The following GLTP variants were observed in gnomAD, a reference collection of about 807,000 sequenced individuals.
GLTP encodes the protein glycolipid transfer protein.
A neutral mutation model predicts 24.0 loss-of-function variants in GLTP; 22 were observed. The ratio of observed to expected loss-of-function variants is 0.92; its 90% CI spans 0.65 to 1.31. The LOEUF (loss-of-function observed/expected upper bound fraction) is 1.31, where lower values mean the gene tolerates loss of function less well. GLTP is among the 50% of genes most tolerant of loss of function. The pLI is 0.00. For synonymous variants in GLTP, 92 were observed against 115.9 expected (o/e 0.79, Z 1.33); for missense variants, 224 against 276.6 (o/e 0.81, Z 1.35).
At chr12:109,869,969 T>C (rs1177050674) in intron 1 of GLTP, among the ~76,000 whole-genome samples, 1 of 150,954 alleles carries the variant, frequency 6.6e-6, no homozygotes, top group Admixed American at 6.6e-5. Context: ...ATCTCGAACT[T>C]CTGACCTCAA....
intron 1 of GLTP, chr12:109,860,214 G>T (rs1485765433): frequency 6.0e-6 from 1 of 165,462 alleles, no homozygotes; most frequent in Non-Finnish European, 1.3e-5. Flanking sequence ...CCAACCTCAG[G>T]TGATCCGCCC....
At position 109,880,233 on chromosome 12, in the gene GLTP, TGG is replaced by T; in HGVS notation, c.103+37_103+38del. 1 of 1,221,552 alleles carries T rather than the reference TGG, an allele frequency of 8.2e-7. No homozygotes were observed. Among genetic ancestry groups the T allele is most frequent in the Non-Finnish European group, 1.2e-6 (1 of 843,286 alleles). The allele number at this position is 1,221,552 out of a possible 1,614,324, so 75.7% of individuals were successfully genotyped here. On this transcript the variant is annotated intron_variant, in intron 1 of 4. Transcript: ENST00000318348. This position sits in a 1 kb window ranked among gnomAD's most constrained non-coding sequence, Gnocchi z 5.1. ...GGGGGAAGGAGGATTCGGGTGCGCG[TGG>T]GGCTGCGGGCCGCCTCCCCCCTCCA...
intron 1 of GLTP, 134 bp from the exon 2 acceptor site, chr12:109,858,875 C>T (rs906735880): frequency 5.9e-6 from 4 of 680,702 alleles, no homozygotes; most frequent in Non-Finnish European, 1.1e-5. Flanking sequence ...CTGGATGTTA[C>T]TAAGGCAGCA....
chr12:109,860,879 A>C (rs1868355321), intron 1 of GLTP, among the ~76,000 whole-genome samples: 1 of 152,164 alleles, frequency 6.6e-6, no homozygotes, highest in Non-Finnish European at 1.5e-5. Context: ...TACATGCAGG[A>C]AGTATGCAGG....
intron 1 of GLTP, among the ~76,000 whole-genome samples, chr12:109,868,168 CTAATTTTTTGTTTT>C (rs1180683096): frequency 6.6e-6 from 1 of 152,214 alleles, no homozygotes; most frequent in South Asian, 2.1e-4. Context: ...CTACGACCAG[CTAATTTTTTGTTTT>C]TAATTTTTTG....
intron 1 of GLTP, among the ~76,000 whole-genome samples, chr12:109,865,505 G>A (rs906565452): frequency 2.6e-5 from 4 of 151,888 alleles, no homozygotes; most frequent in African/African-American, 9.7e-5. Flanking sequence ...GTGCACATCT[G>A]TAATCCCAGC....
At position 109,880,086 on chromosome 12, in the gene GLTP, A is replaced by C. The variant is rs78087808; in HGVS notation, c.103+186T>G. ...GCAGGATGTGACATGTTTAGAGCGG[A>C]GAGGACTTGGGAGTGGTCCGGGAAA... On this transcript the variant is annotated intron_variant, in intron 1 of 4. Transcript: ENST00000318348. The surrounding 1 kb of genome is among the most constrained non-coding windows in gnomAD (Gnocchi z 5.1). 0.026 allele frequency among the ~76,000 whole-genome samples: 3,888 copies of C among 151,942 alleles called. 175 individuals are homozygous for C. Among genetic ancestry groups the C allele is most frequent in the African/African-American group, 0.089 (3,697 of 41,400 alleles).
chr12:109,855,516 T>C lies in GLTP; in HGVS notation c.447+103A>G, dbSNP rs1892782933. 1 of 1,058,766 alleles carries C rather than the reference T, an allele frequency of 9.4e-7. No individual in the cohort carries two copies. The highest frequency in any genetic ancestry group is 1.3e-6 in the Non-Finnish European group (1 of 743,468). The allele number at this position is 1,058,766 out of a possible 1,614,324, so 65.6% of individuals were successfully genotyped here. A position where few individuals can be genotyped will look rare whatever the true frequency, so the allele number is the denominator to read the frequency against. On this transcript the variant is annotated intron_variant, in intron 4 of 4. Transcript: ENST00000318348. This position sits in a 1 kb window ranked among gnomAD's most constrained non-coding sequence, Gnocchi z 4.1. Reference sequence around the variant, plus strand: ...GGAGCCCTTCCTGAGCCCGAGGGGGTAAACACAGCCTCACAGGCCAGGAGG... The same window carrying C: ...GGAGCCCTTCCTGAGCCCGAGGGGGCAAACACAGCCTCACAGGCCAGGAGG...
At chr12:109,865,957 A>AT (rs1380553512) in intron 1 of GLTP, among the ~76,000 whole-genome samples, 1 of 152,128 alleles carries the variant, frequency 6.6e-6, no homozygotes, top group Admixed American at 6.6e-5. Flanking sequence ...AAAAACAGAA[A>AT]CCTCCTATAT....
Position 109,857,694 on chromosome 12 carries a change from AGCTGCCCCCATAGACATCTG to A in GLTP, c.163-55_163-36del. 1 of 1,613,696 alleles carries A rather than the reference AGCTGCCCCCATAGACATCTG, an allele frequency of 6.2e-7. No homozygotes were observed. The highest frequency in any genetic ancestry group is 8.5e-7 in the Non-Finnish European group (1 of 1,179,598). ...AGCACACAAGATTTCCCCTTGGGTA[AGCTGCCCCCATAGACATCTG>A]GCCCGCACGCTGGGTGAAAAGCACC... On this transcript the variant is annotated intron_variant, in intron 2 of 4. Coordinates refer to ENST00000318348, the MANE Select transcript of GLTP (RefSeq NM_016433.4). This position sits in a 1 kb window ranked among gnomAD's most constrained non-coding sequence, Gnocchi z 4.3.
chr12:109,868,741 C>A (rs1868621346), intron 1 of GLTP, among the ~76,000 whole-genome samples: 1 of 151,976 alleles, frequency 6.6e-6, no homozygotes, highest in Non-Finnish European at 1.5e-5. Context: ...TAATAAAGTT[C>A]AGTTGTTAAA....
chr12:109,858,696 C>T lies in GLTP; in HGVS notation c.149G>A (p.Ser50Asn), dbSNP rs1243830982. Residue 50 changes from serine to asparagine, a missense_variant, in exon 2 of 5, where the codon AGC (serine) becomes AAC (asparagine). By Grantham distance (46) the Ser-to-Asn change is conservative. Coordinates refer to ENST00000318348, the MANE Select transcript of GLTP (RefSeq NM_016433.4). Reference protein sequence around the residue: ...PVFTPIKADISGNITKIKAVY... With the variant: ...PVFTPIKADINGNITKIKAVY... ...CCAGGTACATACCGTGATGTTGCCG[C>T]TTATGTCTGCCTTGATGGGAGTAAA... is the stretch of plus-strand genomic sequence containing the variant. 2 of 1,612,980 alleles carry T rather than the reference C, an allele frequency of 1.2e-6. No homozygotes were observed. Among genetic ancestry groups the T allele is most frequent in the African/African-American group, 1.3e-5 (1 of 74,916 alleles).
intron 1 of GLTP, among the ~76,000 whole-genome samples, chr12:109,874,143 C>G (rs538630575): frequency 2.0e-5 from 3 of 152,290 alleles, no homozygotes; most frequent in African/African-American, 7.2e-5. Flanking sequence ...GCAAGAGCAC[C>G]ACATAAGGAG....
At chr12:109,878,725 A>C (rs1451371480) in intron 1 of GLTP, among the ~76,000 whole-genome samples, 1 of 149,168 alleles carries the variant, frequency 6.7e-6, no homozygotes, top group African/African-American at 2.6e-5. Flanking sequence ...TGACACTGAT[A>C]ATAAGAAAGT....
chr12:109,858,666 C>G lies in GLTP; in HGVS notation c.162+17G>C. 6.2e-7 allele frequency: 1 copy of G among 1,604,330 alleles called. No individual in the cohort carries two copies. Among genetic ancestry groups the G allele is most frequent in the Non-Finnish European group, 8.5e-7 (1 of 1,171,122 alleles). ...TAACGCAAGTCTTGGGCTGTGGCTGCCCGGCCAGGTACATACCGTGATGTT... is the reference window on the plus strand; with the variant it reads ...TAACGCAAGTCTTGGGCTGTGGCTGGCCGGCCAGGTACATACCGTGATGTT... On this transcript the variant is annotated intron_variant, in intron 2 of 4. Transcript: ENST00000318348.
At chr12:109,856,920 G>C (rs1347315972) in intron 3 of GLTP, among the ~76,000 whole-genome samples, 1 of 152,150 alleles carries the variant, frequency 6.6e-6, no homozygotes, top group Non-Finnish European at 1.5e-5. Context: ...TGTAATCCCA[G>C]CTATTCAGGA....
chr12:109,862,168 G>A (rs1438361364), intron 1 of GLTP, among the ~76,000 whole-genome samples: 8 of 152,154 alleles, frequency 5.3e-5, no homozygotes, highest in African/African-American at 1.9e-4. Flanking sequence ...GAGGTGCTGC[G>A]CCAGGGGTGC....
At chr12:109,868,629 A>G (rs1868618233) in intron 1 of GLTP, among the ~76,000 whole-genome samples, 1 of 152,242 alleles carries the variant, frequency 6.6e-6, no homozygotes, top group South Asian at 2.1e-4. Flanking sequence ...ATTCATAAAC[A>G]GTCATTTCCA....
intron 4 of GLTP, among the ~76,000 whole-genome samples, chr12:109,853,800 T>C (rs1892758567): frequency 6.6e-6 from 1 of 151,382 alleles, no homozygotes; most frequent in Non-Finnish European, 1.5e-5. Flanking sequence ...CTGGAGTCAG[T>C]GGCGTGATCT....
Sources: allele counts gnomAD v4.1 joint callset (sites outside exome capture counted in the v4.1 genomes callset), GRCh38; gene constraint gnomAD v4.1.1; non-coding constraint Gnocchi (gnomAD v3.1); transcripts MANE v1.5; gene names NCBI Gene and HGNC (gene_info 2026-07-23, HGNC 2026-07-21).